C10orf71: variants seen among roughly 807,000 people sequenced by gnomAD.
The protein encoded by C10orf71 is chromosome 10 open reading frame 71.
For synonymous variants in C10orf71, 758 were observed against 726.3 expected, an observed-to-expected ratio of 1.04 and a Z score of -0.70; for missense variants, 1,869 against 1,804.5, an observed-to-expected ratio of 1.04 and a Z score of -0.65.
In C10orf71 at chr10:49,324,749, A is replaced by G. The variant is rs1278639827; in HGVS notation, c.2204A>G (p.Gln735Arg). The G allele has an allele frequency of 6.4e-7, 1 of 1,561,990 alleles. No individual in the cohort carries two copies. The highest frequency in any genetic ancestry group is 1.4e-5 in the African/African-American group (1 of 73,518). The change falls in exon 3 of 3, where the codon CAA becomes CGA. Residue 735 changes from glutamine (Q) to arginine (R), a missense_variant. Coordinates refer to ENST00000374144, the MANE Select transcript of C10orf71 (RefSeq NM_001135196.2). ...KAKFSTSSSD[Q>R]SFASFDDQQK... ...AAATTCAGCACCAGCTCTTCAGATC[A>G]ATCCTTTGCCTCATTTGATGATCAG...
intron 1 of C10orf71, among the ~76,000 whole-genome samples, chr10:49,304,166 A>G (rs544391380): frequency 7.2e-5 from 11 of 152,288 alleles, no homozygotes; most frequent in African/African-American, 2.6e-4. Context: ...GCAGAGAGAG[A>G]TAACTGAGAA....
At position 49,325,647 on chromosome 10, in the gene C10orf71, C is replaced by T. The variant is rs762239726; in HGVS notation, c.3102C>T (p.His1034=). The change falls in exon 3 of 3, where the codon CAC becomes CAT. Residue 1034 remains histidine, a synonymous_variant. Coordinates refer to ENST00000374144, the MANE Select transcript of C10orf71 (RefSeq NM_001135196.2). The part of the protein sequence containing the change: ...WEEQTPGFKS[H]FLSTPRAGPP... The stretch of plus-strand genomic sequence containing the variant: ...AGCAAACACCAGGTTTCAAGAGTCA[C>T]TTTTTGTCCACACCCAGAGCAGGGC... 8 of 1,552,132 alleles carry T rather than the reference C, an allele frequency of 5.2e-6. No homozygotes were observed. Among genetic ancestry groups the T allele is most frequent in the South Asian group, 4.8e-5 (4 of 84,066 alleles).
chr10:49,322,499 C>T lies in C10orf71; in HGVS notation c.-47C>T. ...CACCTAACCTTGACAGAATCATCACCAGAGACACCTGCCGGCTGACAAGGA... is the reference window on the plus strand; with the variant it reads ...CACCTAACCTTGACAGAATCATCACTAGAGACACCTGCCGGCTGACAAGGA... On this transcript the variant is annotated 5_prime_UTR_variant, in exon 3 of 3. Transcript: ENST00000374144. The T allele has an allele frequency of 6.5e-7, 1 of 1,531,928 alleles. No individual in the cohort carries two copies. The highest frequency in any genetic ancestry group is 2.3e-5 in the East Asian group (1 of 42,770). 94.9% of individuals were successfully genotyped at this position (1,531,928 alleles called of 1,614,324 possible).
intron 1 of C10orf71, chr10:49,299,526 C>T: frequency 6.5e-6 from 1 of 152,988 alleles, no homozygotes; most frequent in Non-Finnish European, 1.5e-5. Flanking sequence ...GAGGGATGTT[C>T]CCGCTGGGCC....
rs761772075 is a variant in C10orf71 at position 49,323,765 on chromosome 10, G to C, written c.1220G>C (p.Arg407Thr). Residue 407 changes from arginine to threonine, a missense_variant, in exon 3 of 3, where the codon AGA becomes ACA. Coordinates refer to ENST00000374144, the MANE Select transcript of C10orf71 (RefSeq NM_001135196.2). ...GAAGAAAAGACACAGACCAACCAGAGAGGCCCACCTTTGTATACAAAACAC... is the reference window on the plus strand; with the variant it reads ...GAAGAAAAGACACAGACCAACCAGACAGGCCCACCTTTGTATACAAAACAC... Reference protein sequence around the residue: ...TLEEKTQTNQRGPPLYTKHNP... With the variant: ...TLEEKTQTNQTGPPLYTKHNP... 6.2e-7 allele frequency: 1 copy of C among 1,613,984 alleles called. No individual in the cohort carries two copies. Among genetic ancestry groups the C allele is most frequent in the African/African-American group, 1.3e-5 (1 of 75,028 alleles).
intron 1 of C10orf71, among the ~76,000 whole-genome samples, chr10:49,305,911 A>G (rs1848804783): frequency 1.3e-5 from 2 of 152,218 alleles, no homozygotes; most frequent in African/African-American, 4.8e-5. Context: ...TTTTAAATGA[A>G]CGAATAGATT....
Position 49,324,910 on chromosome 10 carries a change from G to A in C10orf71, c.2365G>A (p.Ala789Thr), listed in dbSNP as rs552882692. ...GTACTGTGCCTTAAGCAATGGGCACGCATGCCTGGAAAACCGCAGCCAGGG... is the reference window on the plus strand; with the variant it reads ...GTACTGTGCCTTAAGCAATGGGCACACATGCCTGGAAAACCGCAGCCAGGG... ...LQYCALSNGH[A>T]CLENRSQGEA... The change falls in exon 3 of 3, where the codon GCA becomes ACA. Residue 789 changes from alanine to threonine, a missense_variant. By Grantham distance (58) the Ala-to-Thr change is moderately conservative (BLOSUM62 0). Coordinates refer to ENST00000374144, the MANE Select transcript of C10orf71 (RefSeq NM_001135196.2). The A allele has an allele frequency of 1.4e-4, 217 of 1,550,726 alleles. No homozygotes were observed. The East Asian group carries it at 5.1e-3, about 37-fold the overall frequency.
chr10:49,300,622 C>T (rs138977150), intron 1 of C10orf71, among the ~76,000 whole-genome samples: 3 of 152,232 alleles, frequency 2.0e-5, no homozygotes, highest in East Asian at 1.9e-4. Flanking sequence ...TTTGCTGTCA[C>T]GGTGCTGGGA....
rs756936075 is a variant in C10orf71, at chr10:49,326,631, G to T, written c.4086G>T (p.Arg1362Ser). ...AGCTCTCCGCGCCCACCTTCCTCAG[G>T]CAGGGCCCTCGTGCCTCCGCGGCCC... ...SSQLSAPTFL[R>S]QGPRASAARA... The change falls in exon 3 of 3, where the codon AGG becomes AGT. Residue 1362 changes from arginine to serine, a missense_variant. Arg to Ser is a moderately radical substitution (Grantham distance 110). Coordinates refer to ENST00000374144, the MANE Select transcript of C10orf71 (RefSeq NM_001135196.2). The T allele has an allele frequency of 6.5e-7, 1 of 1,550,126 alleles. No individual in the cohort carries two copies. Among genetic ancestry groups the T allele is most frequent in the South Asian group, 1.2e-5 (1 of 84,026 alleles).
Position 49,326,553 on chromosome 10 carries a change from C to T in C10orf71, c.4008C>T (p.Pro1336=), listed in dbSNP as rs1266958545. The part of the protein sequence containing the change: ...DALAAPYVLY[P]GFQPVPVTAL... Reference sequence around the variant, plus strand: ...TGGCCGCTCCCTATGTGCTGTACCCCGGCTTCCAGCCAGTGCCCGTGACGG... The same window carrying T: ...TGGCCGCTCCCTATGTGCTGTACCCTGGCTTCCAGCCAGTGCCCGTGACGG... Residue 1336 remains proline (P), a synonymous_variant, in exon 3 of 3, where the codon CCC becomes CCT. Transcript: ENST00000374144. 3 of 1,550,550 alleles carry T rather than the reference C, an allele frequency of 1.9e-6. No individual in the cohort carries two copies. The highest frequency in any genetic ancestry group is 3.9e-5 in the Admixed American group (2 of 50,986).
chr10:49,306,827 G>T (rs1273353554), intron 1 of C10orf71, among the ~76,000 whole-genome samples: 1 of 152,344 alleles, frequency 6.6e-6, no homozygotes, highest in South Asian at 2.1e-4. Context: ...ATCCCAGGGG[G>T]ACCCACCATT....
Position 49,327,459 on chromosome 10 carries a change from A to T in C10orf71, c.*606A>T, listed in dbSNP as rs1391228019. ...TGATCAAGAAAAGGCCCACTTTTTA[A>T]AAAGTGAAACAAGTTTGCAGATACG... is the stretch of plus-strand genomic sequence containing the variant. On this transcript the variant is annotated 3_prime_UTR_variant, in exon 3 of 3. Coordinates refer to ENST00000374144, the MANE Select transcript of C10orf71 (RefSeq NM_001135196.2). The T allele has an allele frequency of 1.2e-5, 2 of 172,786 alleles. No individual in the cohort carries two copies. Among genetic ancestry groups the T allele is most frequent in the African/African-American group, 4.8e-5 (2 of 41,526 alleles). The allele number at this position is 172,786 out of a possible 1,614,324, so 10.7% of individuals were successfully genotyped here. A position where few individuals can be genotyped will look rare whatever the true frequency, so the allele number is the denominator to read the frequency against.
In C10orf71 at chr10:49,311,957, G is replaced by C. The variant is rs549803082; in HGVS notation, c.-247-4188G>C. ...TCCCAGTCAATAATAACAGCATCAT[G>C]AGGCATGGCATGGAAAAAAAGCATC... On this transcript the variant is annotated intron_variant, in intron 1 of 2. Coordinates refer to ENST00000374144, the MANE Select transcript of C10orf71 (RefSeq NM_001135196.2). Among the ~76,000 whole-genome samples the C allele has an allele frequency of 9.3e-4, 142 of 152,328 alleles. 1 individual carries two copies. Among genetic ancestry groups the C allele is most frequent in the Non-Finnish European group, 1.3e-3 (88 of 68,022 alleles).
At chr10:49,318,325 G>C (rs1488137552) in intron 2 of C10orf71, among the ~76,000 whole-genome samples, 1 of 152,350 alleles carries the variant, frequency 6.6e-6, no homozygotes, top group African/African-American at 2.4e-5. Context: ...TACTGGGGAA[G>C]GCGTGGGCTT....
chr10:49,317,282 G>T (rs1357802184), intron 2 of C10orf71, among the ~76,000 whole-genome samples: 1 of 152,174 alleles, frequency 6.6e-6, no homozygotes, highest in African/African-American at 2.4e-5. Flanking sequence ...GCTGCCGTGG[G>T]CTCATGGCTT....
At chr10:49,320,377 C>A (rs537141138) in intron 2 of C10orf71, among the ~76,000 whole-genome samples, 1 of 152,276 alleles carries the variant, frequency 6.6e-6, no homozygotes, top group Non-Finnish European at 1.5e-5. Context: ...TGGCCACCCC[C>A]ACAGGCTGGT....
Position 49,325,622 on chromosome 10 carries a change from A to C in C10orf71, c.3077A>C (p.Glu1026Ala). 1 of 1,552,154 alleles carries C rather than the reference A, an allele frequency of 6.4e-7. No individual in the cohort carries two copies. The highest frequency in any genetic ancestry group is 2.4e-5 in the East Asian group (1 of 40,914). The change falls in exon 3 of 3, where the codon GAG becomes GCG. Residue 1026 changes from glutamate (E) to alanine (A), a missense_variant. Physicochemically the swap from Glu to Ala is moderately radical, Grantham distance 107. Coordinates refer to ENST00000374144, the MANE Select transcript of C10orf71 (RefSeq NM_001135196.2). ...TGGCAGCCCGAAAACTGTTGGGAAGAGCAAACACCAGGTTTCAAGAGTCAC... is the reference window on the plus strand; with the variant it reads ...TGGCAGCCCGAAAACTGTTGGGAAGCGCAAACACCAGGTTTCAAGAGTCAC... ...PPWQPENCWE[E>A]QTPGFKSHFL...
In C10orf71 at chr10:49,322,726, C is replaced by T. The variant is rs140186956; in HGVS notation, c.181C>T (p.Arg61Ter). 5.0e-6 allele frequency: 8 copies of T among 1,613,884 alleles called. No homozygotes were observed. Among genetic ancestry groups the T allele is most frequent in the South Asian group, 1.1e-5 (1 of 91,062 alleles). The change falls in exon 3 of 3, where the codon CGA becomes TGA. Residue 61 changes from arginine to a stop codon, truncating the protein, a stop_gained. Transcript: ENST00000374144. LOFTEE classifies it low-confidence loss of function (END_TRUNC). The stretch of plus-strand genomic sequence containing the variant: ...TCTGGCTGTGTCCCCGGATATCACC[C>T]GACAGGTGTTTGGGACTTTTCACCA... ...SYLAVSPDITRQVFGTFHQRT... is the reference protein window; with the variant it reads ...SYLAVSPDIT
chr10:49,306,325 G>A (rs1848813102), intron 1 of C10orf71, among the ~76,000 whole-genome samples: 2 of 152,364 alleles, frequency 1.3e-5, no homozygotes, highest in East Asian at 1.9e-4. Flanking sequence ...GCAGTCCCAG[G>A]GGCGGGCACA....
Sources: gnomAD v4.1 joint callset for allele counts (sites outside exome capture counted in the v4.1 genomes callset) on GRCh38, gnomAD v4.1.1 for gene constraint, MANE v1.5 for transcripts, NCBI Gene and HGNC (gene_info 2026-07-23, HGNC 2026-07-21) for gene names.